The following RABGAP1L variants were observed in gnomAD, a reference collection of about 807,000 sequenced individuals.
The protein encoded by RABGAP1L is rab GTPase-activating protein 1-like.
Under a neutral mutation model 137.7 loss-of-function variants are expected in RABGAP1L, and 63 were observed. The observed-to-expected ratio is 0.46, with a 90% CI of 0.37 to 0.56. The LOEUF is 0.56. RABGAP1L is among the 20% of genes least tolerant of loss of function. RABGAP1L has a pLI of 0.00. For synonymous variants in RABGAP1L, 431 were observed against 433.7 expected, an observed-to-expected ratio of 0.99 and a Z score of 0.08; for missense variants, 1,095 against 1,244.0, an observed-to-expected ratio of 0.88 and a Z score of 1.80.
At chr1:174,580,722 T>C (rs1668681662) in intron 13 of RABGAP1L, among the ~76,000 whole-genome samples, 1 of 152,198 alleles carries the variant, frequency 6.6e-6, no homozygotes, top group African/African-American at 2.4e-5. Flanking sequence ...ATGGCACATG[T>C]ATACATATGT....
chr1:174,486,714 T>G (rs1420627861), intron 13 of RABGAP1L, among the ~76,000 whole-genome samples: 1 of 152,166 alleles, frequency 6.6e-6, no homozygotes, highest in African/African-American at 2.4e-5. Context: ...TTTCTAGTTC[T>G]TTAAGATACA....
At chr1:174,485,723 T>G (rs989470784) in intron 13 of RABGAP1L, among the ~76,000 whole-genome samples, 2 of 152,194 alleles carry the variant, frequency 1.3e-5, no homozygotes, top group Admixed American at 6.5e-5. Flanking sequence ...TTCTAATGTG[T>G]TGTTGAATTT....
rs570700477 is a variant in RABGAP1L, at chr1:174,793,768, T to C, written c.2212-18064T>C. Among the ~76,000 whole-genome samples, 6 of 152,178 alleles carry C rather than the reference T, an allele frequency of 3.9e-5. No homozygotes were observed. In the South Asian group the frequency reaches 1.2e-3, roughly 32 times the overall value. On this transcript the variant is annotated intron_variant, in intron 18 of 25. Coordinates refer to ENST00000681986, the MANE Select transcript of RABGAP1L (RefSeq NM_001366446.1). Reference sequence around the variant, plus strand: ...TGGAGTGCAGTGTCATGATCTTGGCTCACTGCAACCTCTGCCTCCCAGGTT... The same window carrying C: ...TGGAGTGCAGTGTCATGATCTTGGCCCACTGCAACCTCTGCCTCCCAGGTT...
intron 13 of RABGAP1L, among the ~76,000 whole-genome samples, chr1:174,394,871 A>C (rs1647627176): frequency 6.6e-6 from 1 of 151,166 alleles, no homozygotes; most frequent in African/African-American, 2.4e-5. Flanking sequence ...ATTTCTTTTT[A>C]CTTTTCTTTC....
chr1:174,676,280 T>A (rs569793367), intron 14 of RABGAP1L, among the ~76,000 whole-genome samples: 1 of 152,260 alleles, frequency 6.6e-6, no homozygotes, highest in East Asian at 1.9e-4. Flanking sequence ...TTGATGAAGA[T>A]GGCCCTTTTA....
intron 13 of RABGAP1L, among the ~76,000 whole-genome samples, chr1:174,461,730 A>C (rs574318125): frequency 2.0e-5 from 3 of 152,184 alleles, no homozygotes; most frequent in African/African-American, 7.2e-5. Flanking sequence ...GCTGTTACCA[A>C]CTGGGGAAGC....
intron 11 of RABGAP1L, among the ~76,000 whole-genome samples, chr1:174,325,807 G>A (rs1558133793): frequency 6.6e-6 from 1 of 152,170 alleles, no homozygotes; most frequent in Admixed American, 6.5e-5. Flanking sequence ...ACTTGGAAGT[G>A]GCTCATGATA....
intron 18 of RABGAP1L, among the ~76,000 whole-genome samples, chr1:174,810,774 G>A (rs886663795): frequency 6.6e-5 from 10 of 151,880 alleles, no homozygotes; most frequent in South Asian, 4.2e-4. Context: ...TTATAAAAGC[G>A]TTATACAGAA....
At chr1:174,263,107 C>G (rs1673740756) in intron 7 of RABGAP1L, among the ~76,000 whole-genome samples, 1 of 152,180 alleles carries the variant, frequency 6.6e-6, no homozygotes, top group South Asian at 2.1e-4. Context: ...CACTGTGTGC[C>G]CCAGGCCTCG....
intron 4 of RABGAP1L, among the ~76,000 whole-genome samples, chr1:174,232,995 T>A (rs886502989): frequency 6.6e-6 from 1 of 152,176 alleles, no homozygotes; most frequent in African/African-American, 2.4e-5. Context: ...TTTTTCACAG[T>A]TCTCGTGGTT....
chr1:174,432,962 A>C (rs982958483), intron 13 of RABGAP1L, among the ~76,000 whole-genome samples: 3 of 152,224 alleles, frequency 2.0e-5, no homozygotes, highest in Non-Finnish European at 4.4e-5. Context: ...CAGTTTCTGA[A>C]GGAAAAACGA....
intron 13 of RABGAP1L, among the ~76,000 whole-genome samples, chr1:174,402,092 GA>G (rs917718079): frequency 6.6e-6 from 1 of 152,152 alleles, no homozygotes; most frequent in African/African-American, 2.4e-5. Context: ...AACGCTTCCT[GA>G]AGGATTTAAT....
intron 14 of RABGAP1L, among the ~76,000 whole-genome samples, chr1:174,680,053 AC>A: frequency 6.6e-6 from 1 of 152,244 alleles, no homozygotes; most frequent in Non-Finnish European, 1.5e-5. Context: ...ACCATAAAAG[AC>A]AAAAACTATT....
chr1:174,213,440 AGAG>A (rs1284312544), intron 1 of RABGAP1L, among the ~76,000 whole-genome samples: 1 of 152,224 alleles, frequency 6.6e-6, no homozygotes, highest in Non-Finnish European at 1.5e-5. Context: ...TCCAAAAAAT[AGAG>A]GAGAAGGGAA....
At chr1:174,769,269 C>A (rs1685919383) in intron 18 of RABGAP1L, among the ~76,000 whole-genome samples, 1 of 151,824 alleles carries the variant, frequency 6.6e-6, no homozygotes, top group Admixed American at 6.6e-5. Flanking sequence ...GGGGCACAAT[C>A]ATAGGGGTGT....
chr1:174,858,431 A>C (rs1263090215), intron 19 of RABGAP1L, among the ~76,000 whole-genome samples: 1 of 152,138 alleles, frequency 6.6e-6, no homozygotes, highest in Non-Finnish European at 1.5e-5. Flanking sequence ...GGGTTGTGAG[A>C]TGCTACTGGT....
chr1:174,615,487 T>C (rs1671739996), intron 13 of RABGAP1L, among the ~76,000 whole-genome samples: 1 of 152,180 alleles, frequency 6.6e-6, no homozygotes, highest in African/African-American at 2.4e-5. Context: ...CTGCCCCTAC[T>C]TGGGGGTGCC....
intron 11 of RABGAP1L, among the ~76,000 whole-genome samples, chr1:174,312,448 G>A (rs181300810): frequency 6.6e-6 from 1 of 151,810 alleles, no homozygotes; most frequent in Admixed American, 6.6e-5. Context: ...CAGATTATTC[G>A]ATTTTTTTCC....
chr1:174,311,826 C>G (rs543710872), intron 11 of RABGAP1L, among the ~76,000 whole-genome samples: 8 of 152,264 alleles, frequency 5.3e-5, no homozygotes, highest in African/African-American at 1.9e-4. Context: ...AGGCTTGTCT[C>G]AAACTCCTGA....
Sources: gnomAD v4.1 joint callset for allele counts (sites outside exome capture counted in the v4.1 genomes callset) on GRCh38, gnomAD v4.1.1 for gene constraint, MANE v1.5 for transcripts, NCBI Gene and HGNC (gene_info 2026-07-23, HGNC 2026-07-21) for gene names.